TLL2: variants seen among roughly 807,000 people sequenced by gnomAD.
TLL2 encodes the protein tolloid-like protein 2.
TLL2 carries 106 observed loss-of-function variants against 123.0 expected under a neutral mutation model. The observed-to-expected ratio is 0.86, with a 90% confidence interval of 0.74 to 1.01. The LOEUF is 1.01. TLL2 is among the 50% of genes least tolerant of loss of function. TLL2 has a pLI of 0.00. For missense variants in TLL2, 1,332 were observed against 1,336.7 expected, an observed-to-expected ratio of 1.00 and a Z score of 0.06; for synonymous variants, 494 against 516.8, an observed-to-expected ratio of 0.96 and a Z score of 0.60.
chr10:96,513,692 G>A lies in TLL2; in HGVS notation c.-7C>T. 2 of 1,514,614 alleles carry A rather than the reference G, an allele frequency of 1.3e-6. No homozygotes were observed. Among genetic ancestry groups the A allele is most frequent in the African/African-American group, 1.4e-5 (1 of 71,866 alleles). 93.8% of individuals were successfully genotyped at this position (1,514,614 alleles called of 1,614,324 possible). A position where few individuals can be genotyped will look rare whatever the true frequency, so the allele number is the denominator to read the frequency against. ...GTGCAGTCGCCCGGGGCATGGTGGCGCGGGGCCGGCTGGGGCAGAGGGAGT... is the reference window on the plus strand; with the variant it reads ...GTGCAGTCGCCCGGGGCATGGTGGCACGGGGCCGGCTGGGGCAGAGGGAGT... On this transcript the variant is annotated 5_prime_UTR_variant, in exon 1 of 21. Transcript: ENST00000357947.
intron 2 of TLL2, among the ~76,000 whole-genome samples, chr10:96,464,888 A>G (rs1194982371): frequency 2.0e-5 from 3 of 152,258 alleles, no homozygotes; most frequent in Non-Finnish European, 2.9e-5. Context: ...AGGGTTGCCT[A>G]CACTCAGGGA....
At chr10:96,448,013 G>A (rs1846916206) in intron 2 of TLL2, among the ~76,000 whole-genome samples, 1 of 152,160 alleles carries the variant, frequency 6.6e-6, no homozygotes, top group Non-Finnish European at 1.5e-5. Context: ...GTATGACCCT[G>A]GAGACAGCCA....
At chr10:96,508,912 C>G (rs1847600477) in intron 1 of TLL2, among the ~76,000 whole-genome samples, 1 of 152,010 alleles carries the variant, frequency 6.6e-6, no homozygotes, top group South Asian at 2.1e-4. Flanking sequence ...TCTGTGCTCT[C>G]CCACCTTGAA....
intron 19 of TLL2, among the ~76,000 whole-genome samples, chr10:96,370,680 TG>T (rs1209877499): frequency 6.6e-6 from 1 of 152,236 alleles, no homozygotes; most frequent in Non-Finnish European, 1.5e-5. Flanking sequence ...CTTTATTCCC[TG>T]GAAGTGTTGG....
At chr10:96,497,339 T>C (rs1031518420) in intron 1 of TLL2, among the ~76,000 whole-genome samples, 2 of 152,028 alleles carry the variant, frequency 1.3e-5, no homozygotes, top group African/African-American at 4.8e-5. Context: ...ATACTAAAAA[T>C]ATTTCAGTCC....
intron 13 of TLL2, among the ~76,000 whole-genome samples, chr10:96,390,016 G>A (rs1262569453): frequency 2.0e-5 from 3 of 152,262 alleles, no homozygotes; most frequent in African/African-American, 7.2e-5. Flanking sequence ...ACTGGCTCGT[G>A]CTTGCTCTGG....
At chr10:96,370,461 A>G in intron 19 of TLL2, 146 bp from the exon 20 acceptor site, 1 of 1,178,678 alleles carries the variant, frequency 8.5e-7, no homozygotes, top group South Asian at 2.2e-5. Flanking sequence ...ATGGAGGAGT[A>G]CACAGAGGCC....
intron 7 of TLL2, among the ~76,000 whole-genome samples, chr10:96,418,812 ATGAATATATAAAT>A (rs900870698): frequency 3.8e-4 from 56 of 148,286 alleles, no homozygotes; most frequent in African/African-American, 1.2e-3. Flanking sequence ...TATAAATTAT[ATGAATATATAAAT>A]TGAATATATA....
intron 6 of TLL2, among the ~76,000 whole-genome samples, chr10:96,422,187 A>G (rs1386873189): frequency 6.6e-6 from 1 of 151,604 alleles, no homozygotes; most frequent in Non-Finnish European, 1.5e-5. Context: ...AAAATAACTC[A>G]TAAAAGCAGC....
chr10:96,497,706 C>G (rs1317409417), intron 1 of TLL2, among the ~76,000 whole-genome samples: 2 of 152,236 alleles, frequency 1.3e-5, no homozygotes, highest in African/African-American at 4.8e-5. Flanking sequence ...TCTCACCTCT[C>G]CTGTTTGTTC....
rs758506307 is a variant in TLL2 at position 96,384,702 on chromosome 10, C to T, written c.2079G>A (p.Arg693=). The change falls in exon 16 of 21, where the codon AGG becomes AGA. Residue 693 remains arginine, a synonymous_variant. Coordinates refer to ENST00000357947, the MANE Select transcript of TLL2 (RefSeq NM_012465.4). The stretch of plus-strand genomic sequence containing the variant: ...CCTCCGGCGTCTCAGAGCCGCAGAA[C>T]CTGCCGTGCAGCTTGGCGTCGGGGG... ...GLSPDAKLHG[R]FCGSETPEVI... 6.2e-7 allele frequency: 1 copy of T among 1,612,516 alleles called. No individual in the cohort carries two copies. The highest frequency in any genetic ancestry group is 1.3e-5 in the African/African-American group (1 of 75,034).
At chr10:96,386,560 A>G (rs1424183047) in intron 14 of TLL2, among the ~76,000 whole-genome samples, 1 of 152,214 alleles carries the variant, frequency 6.6e-6, no homozygotes, top group Non-Finnish European at 1.5e-5. Flanking sequence ...GAACAAGCGG[A>G]TTCATGCACG....
chr10:96,506,746 A>G (rs1847583155), intron 1 of TLL2, among the ~76,000 whole-genome samples: 1 of 151,922 alleles, frequency 6.6e-6, no homozygotes, highest in Admixed American at 6.6e-5. Context: ...AGAGGAAAGG[A>G]TGCTCTCCCA....
chr10:96,407,189 G>C (rs2134068549), intron 9 of TLL2, among the ~76,000 whole-genome samples: 1 of 151,874 alleles, frequency 6.6e-6, no homozygotes, highest in African/African-American at 2.4e-5. Context: ...CACACCCCCA[G>C]AGCCTGTCCT....
chr10:96,509,553 TTCC>T (rs1847608007), intron 1 of TLL2, among the ~76,000 whole-genome samples: 1 of 152,234 alleles, frequency 6.6e-6, no homozygotes, highest in Non-Finnish European at 1.5e-5. Context: ...CCCTGTCTCA[TTCC>T]TCCTGCTCCC....
intron 17 of TLL2, among the ~76,000 whole-genome samples, chr10:96,377,948 G>T (rs964168393): frequency 6.6e-6 from 1 of 152,204 alleles, no homozygotes; most frequent in African/African-American, 2.4e-5. Flanking sequence ...CGTCACTCCT[G>T]TCCTCTCCCA....
intron 15 of TLL2, among the ~76,000 whole-genome samples, chr10:96,385,787 A>C (rs1387060458): frequency 2.6e-5 from 4 of 151,666 alleles, no homozygotes; most frequent in African/African-American, 9.7e-5. Context: ...GACACCTCCC[A>C]CCCCCAATAT....
In TLL2 at chr10:96,370,138, C is replaced by T; in HGVS notation, c.2840G>A (p.Gly947Asp). 1 of 1,614,054 alleles carries T rather than the reference C, an allele frequency of 6.2e-7. No individual in the cohort carries two copies. Among genetic ancestry groups the T allele is most frequent in the Non-Finnish European group, 8.5e-7 (1 of 1,179,968 alleles). ...TFEVEEEADC[G>D]YDYMEAYDGY... ...GTCGTAGGCTTCCATGTAGTCGTAG[C>T]CGCAGTCGGCCTCCTCCTCAACCTC... Residue 947 changes from glycine to aspartate, a missense_variant, in exon 20 of 21, where the codon GGC becomes GAC. Physicochemically the swap from Gly to Asp is moderately conservative, Grantham distance 94. Coordinates refer to ENST00000357947, the MANE Select transcript of TLL2 (RefSeq NM_012465.4).
At chr10:96,396,151 C>T (rs1038790064) in intron 11 of TLL2, 131 bp from the exon 12 acceptor site, 8 of 1,076,792 alleles carry the variant, frequency 7.4e-6, no homozygotes, top group Non-Finnish European at 1.0e-5. Flanking sequence ...ATTTTCATCT[C>T]CAGCCCACAA....
Sources: gnomAD v4.1 joint callset for allele counts (sites outside exome capture counted in the v4.1 genomes callset) on GRCh38, gnomAD v4.1.1 for gene constraint, MANE v1.5 for transcripts, NCBI Gene and HGNC (gene_info 2026-07-23, HGNC 2026-07-21) for gene names.